The following FSD1L variants were observed in gnomAD, a reference collection of about 807,000 sequenced individuals.
FSD1L encodes the protein FSD1-like protein.
FSD1L carries 45 observed loss-of-function variants against 71.6 expected under a neutral mutation model. The observed-to-expected ratio is 0.63, with a 90% CI of 0.49 to 0.81. FSD1L has a LOEUF of 0.81. Ranked by LOEUF, FSD1L falls within the 30% of genes least tolerant of loss-of-function variation. The probability of loss-of-function intolerance (pLI) is 0.00; values close to 1 mark genes in which losing one functional copy is unlikely to be tolerated. For synonymous variants in FSD1L, 197 were observed against 207.2 expected (o/e 0.95, Z 0.42); for missense variants, 561 against 618.1 (o/e 0.91, Z 0.98).
In FSD1L at chr9:105,448,146, G is replaced by T; in HGVS notation, c.-75G>T. ...GCAGTGCAGTGAGTAGCGGTCTTGGGGTGTGCGATCTCGCTGAGCCTCCTC... is the reference window on the plus strand; with the variant it reads ...GCAGTGCAGTGAGTAGCGGTCTTGGTGTGTGCGATCTCGCTGAGCCTCCTC... On this transcript the variant is annotated 5_prime_UTR_variant, in exon 1 of 14. Coordinates refer to ENST00000481272, the MANE Select transcript of FSD1L (RefSeq NM_001145313.3). The T allele has an allele frequency of 6.9e-7, 1 of 1,445,418 alleles. No individual in the cohort carries two copies. The highest frequency in any genetic ancestry group is 2.5e-5 in the East Asian group (1 of 39,276). The allele number at this position is 1,445,418 out of a possible 1,614,324, so 89.5% of individuals were successfully genotyped here.
At chr9:105,476,165 G>A (rs1831785362) in intron 5 of FSD1L, among the ~76,000 whole-genome samples, 1 of 152,148 alleles carries the variant, frequency 6.6e-6, no homozygotes, top group South Asian at 2.1e-4. Context: ...AAAATATCTG[G>A]TTTAACGTCT....
At chr9:105,469,599 C>T (rs1477336163) in intron 4 of FSD1L, among the ~76,000 whole-genome samples, 4 of 151,816 alleles carry the variant, frequency 2.6e-5, no homozygotes, top group Non-Finnish European at 4.4e-5. Flanking sequence ...GGTTCTTTGG[C>T]CATCTTTTAA....
intron 7 of FSD1L, among the ~76,000 whole-genome samples, chr9:105,495,406 C>T (rs905938237): frequency 4.6e-5 from 7 of 152,178 alleles, no homozygotes; most frequent in African/African-American, 1.7e-4. Context: ...CGTCTGTCAC[C>T]CCTTTCTTTG....
chr9:105,493,459 G>T (rs1833104908), intron 7 of FSD1L, among the ~76,000 whole-genome samples: 1 of 151,362 alleles, frequency 6.6e-6, no homozygotes, highest in South Asian at 2.1e-4. Flanking sequence ...TATCCAATTT[G>T]CCAGTCTGTG....
Position 105,544,741 on chromosome 9 carries a change from G to A in FSD1L, c.1468-1617G>A, listed in dbSNP as rs538011376. 2.8e-4 allele frequency among the ~76,000 whole-genome samples: 43 copies of A among 152,160 alleles called. No individual in the cohort carries two copies. In the East Asian group the frequency reaches 7.0e-3, roughly 25 times the overall value. On this transcript the variant is annotated intron_variant, in intron 13 of 13. Coordinates refer to ENST00000481272, the MANE Select transcript of FSD1L (RefSeq NM_001145313.3). The stretch of plus-strand genomic sequence containing the variant: ...TGTCAAAGATCAGATGGTTGTTGAT[G>A]TGTGGTATTATTTCTGAGGGCTCTG...
At chr9:105,495,464 A>G (rs745824282) in intron 7 of FSD1L, among the ~76,000 whole-genome samples, 24 of 152,162 alleles carry the variant, frequency 1.6e-4, no homozygotes, top group Non-Finnish European at 2.2e-4. Context: ...GAGTGAGGCA[A>G]TGCCTCGCCC....
At chr9:105,493,713 C>T (rs1247078264) in intron 7 of FSD1L, among the ~76,000 whole-genome samples, 5 of 152,120 alleles carry the variant, frequency 3.3e-5, no homozygotes, top group Non-Finnish European at 7.4e-5. Flanking sequence ...CAAAATCTCT[C>T]AGCATTTGCT....
chr9:105,476,886 A>G (rs1049025665), intron 5 of FSD1L, among the ~76,000 whole-genome samples: 4 of 152,158 alleles, frequency 2.6e-5, no homozygotes, highest in Non-Finnish European at 4.4e-5. Context: ...AACTTCTTAA[A>G]CCTCTCTTGC....
At chr9:105,468,594 A>G (rs1831228505) in intron 4 of FSD1L, among the ~76,000 whole-genome samples, 2 of 150,940 alleles carry the variant, frequency 1.3e-5, no homozygotes, top group African/African-American at 2.4e-5. Context: ...TCCCAGGTTC[A>G]GGCGATTCTC....
chr9:105,533,200 T>C (rs970201534), intron 10 of FSD1L, among the ~76,000 whole-genome samples: 46 of 152,022 alleles, frequency 3.0e-4, no homozygotes, highest in African/African-American at 1.1e-3. Context: ...AATGCAGTAA[T>C]TCAATATAAT....
At position 105,550,474 on chromosome 9, in the gene FSD1L, A is replaced by G. The variant is rs1349890420; in HGVS notation, c.*3991A>G. 1 of 152,076 alleles carries G rather than the reference A, an allele frequency of 6.6e-6. No homozygotes were observed. Among genetic ancestry groups the G allele is most frequent in the Non-Finnish European group, 1.5e-5 (1 of 67,936 alleles). The allele number at this position is 152,076 out of a possible 1,614,324, so 9.4% of individuals were successfully genotyped here. A position where few individuals can be genotyped will look rare whatever the true frequency, so the allele number is the denominator to read the frequency against. ...ACTGGAGTATTATAAGAGATCATGA[A>G]TGTTTCCTTAATTATCATGGCAAGA... On this transcript the variant is annotated 3_prime_UTR_variant, in exon 14 of 14. Transcript: ENST00000481272.
chr9:105,530,066 A>G (rs1033570628), intron 10 of FSD1L, among the ~76,000 whole-genome samples: 1 of 152,384 alleles, frequency 6.6e-6, no homozygotes, highest in Middle Eastern at 3.4e-3. Flanking sequence ...GATTAGGACT[A>G]AATCAAGAAC....
rs1837046518 is a variant in FSD1L, at chr9:105,547,046, T to C, written c.*563T>C. 1 of 152,132 alleles carries C rather than the reference T, an allele frequency of 6.6e-6. No individual in the cohort carries two copies. The highest frequency in any genetic ancestry group is 2.1e-4 in the South Asian group (1 of 4,830). 9.4% of individuals were successfully genotyped at this position (152,132 alleles called of 1,614,324 possible). A position where few individuals can be genotyped will look rare whatever the true frequency, so the allele number is the denominator to read the frequency against. On this transcript the variant is annotated 3_prime_UTR_variant, in exon 14 of 14. Transcript: ENST00000481272. ...AAATTTTCCTCTTTTGTTTATTGAC[T>C]AGATTGTATATAATTTTCTTTTTTC...
intron 1 of FSD1L, among the ~76,000 whole-genome samples, chr9:105,458,043 T>C (rs1397730781): frequency 2.0e-5 from 3 of 152,240 alleles, no homozygotes; most frequent in Admixed American, 2.0e-4. Context: ...TCCTGCCACC[T>C]GCAGCTTGGC....
Position 105,496,924 on chromosome 9 carries a change from G to A in FSD1L, c.587-9475G>A, listed in dbSNP as rs376396708. On this transcript the variant is annotated intron_variant, in intron 7 of 13. Coordinates refer to ENST00000481272, the MANE Select transcript of FSD1L (RefSeq NM_001145313.3). ...ATGTTGGAAGCAGTAGAAAGAGGGG[G>A]ATCCTTGCCTTGTTCCTGAACTTAG... Among the ~76,000 whole-genome samples the A allele has an allele frequency of 1.9e-4, 29 of 152,318 alleles. No individual in the cohort carries two copies. In the East Asian group the frequency reaches 2.1e-3, roughly 11 times the overall value.
chr9:105,467,896 G>T (rs886103880), intron 3 of FSD1L, among the ~76,000 whole-genome samples: 2 of 152,188 alleles, frequency 1.3e-5, no homozygotes, highest in South Asian at 4.1e-4. Context: ...AGTTGGGAAC[G>T]TTAAAACAAC....
intron 1 of FSD1L, among the ~76,000 whole-genome samples, chr9:105,451,525 C>G (rs1292207857): frequency 1.3e-5 from 2 of 152,166 alleles, no homozygotes; most frequent in Non-Finnish European, 2.9e-5. Context: ...AGCAGATGCT[C>G]TGTTTGAGTA....
chr9:105,459,546 G>T (rs1588921959), intron 1 of FSD1L, among the ~76,000 whole-genome samples: 1 of 152,312 alleles, frequency 6.6e-6, no homozygotes, highest in South Asian at 2.1e-4. Flanking sequence ...AGCTTCTGGA[G>T]CCTTTGTCTC....
At chr9:105,494,253 A>G (rs1359550777) in intron 7 of FSD1L, among the ~76,000 whole-genome samples, 1 of 151,764 alleles carries the variant, frequency 6.6e-6, no homozygotes, top group Non-Finnish European at 1.5e-5. Flanking sequence ...CATTCATTTC[A>G]TCTTCCATTG....
Sources: allele counts gnomAD v4.1 joint callset (sites outside exome capture counted in the v4.1 genomes callset), GRCh38; gene constraint gnomAD v4.1.1; transcripts MANE v1.5; gene names NCBI Gene and HGNC (gene_info 2026-07-23, HGNC 2026-07-21).